C10orf143: variants seen among roughly 807,000 people sequenced by gnomAD.
The protein encoded by C10orf143 is uncharacterized protein C10orf143.
chr10:130,085,855 C>A (rs1249568877), intron 1 of C10orf143, among the ~76,000 whole-genome samples: 2 of 152,160 alleles, frequency 1.3e-5, no homozygotes. Context: ...TTCTCACAAC[C>A]TCAACCCACT....
At chr10:130,106,601 C>G (rs573906935) in intron 1 of C10orf143, 23 of 1,484,026 alleles carry the variant, frequency 1.5e-5, no homozygotes, top group Non-Finnish European at 2.0e-5. Context: ...CCTCAAATCA[C>G]AAGTAGCTGA....
chr10:130,080,357 C>T (rs1359568914), intron 1 of C10orf143, among the ~76,000 whole-genome samples: 1 of 152,162 alleles, frequency 6.6e-6, no homozygotes, highest in Non-Finnish European at 1.5e-5. Flanking sequence ...ATTTTATTTA[C>T]AAAGGTTGCA....
At chr10:130,087,533 G>A (rs557653213) in intron 1 of C10orf143, among the ~76,000 whole-genome samples, 19 of 152,264 alleles carry the variant, frequency 1.2e-4, no homozygotes, top group African/African-American at 4.3e-4. Flanking sequence ...AGAAACACAC[G>A]AAGCTGCCAC....
chr10:130,109,267 T>C (rs1861718191), intron 1 of C10orf143, among the ~76,000 whole-genome samples: 1 of 152,196 alleles, frequency 6.6e-6, no homozygotes, highest in Admixed American at 6.5e-5. Context: ...CATAATCATG[T>C]CACTTTTCTG....
At chr10:130,039,693 C>T (rs545670041) in intron 3 of C10orf143, among the ~76,000 whole-genome samples, 31 of 152,306 alleles carry the variant, frequency 2.0e-4, no homozygotes, top group African/African-American at 7.2e-4. Context: ...CCCTGCAAGT[C>T]AGAAGATGCC....
intron 1 of C10orf143, among the ~76,000 whole-genome samples, chr10:130,083,686 T>C (rs751530930): frequency 1.3e-5 from 2 of 151,956 alleles, no homozygotes; most frequent in African/African-American, 2.4e-5. Flanking sequence ...AAAGAAGGGG[T>C]TATAAGAAAA....
intron 1 of C10orf143, among the ~76,000 whole-genome samples, chr10:130,088,088 T>C (rs1590026426): frequency 6.6e-6 from 1 of 152,164 alleles, no homozygotes; most frequent in African/African-American, 2.4e-5. Context: ...CAAATTAACA[T>C]ACCAAAGGAG....
At chr10:130,038,436 C>G (rs1289742845) in intron 3 of C10orf143, among the ~76,000 whole-genome samples, 2 of 152,152 alleles carry the variant, frequency 1.3e-5, no homozygotes, top group African/African-American at 2.4e-5. Context: ...GAGCATCTGT[C>G]TTGGGGGCCC....
rs150739654 is a variant in C10orf143 at position 130,045,510 on chromosome 10, C to G, written c.298-9540G>C. On this transcript the variant is annotated intron_variant and NMD_transcript_variant, in intron 3 of 5. Coordinates refer to the C10orf143 transcript ENST00000643056. Reference sequence around the variant, plus strand: ...GCCCCGCAGCACTGCAGCTGCACCCCCAGGACGCCCCCCGCGAGCGCCACG... The same window carrying G: ...GCCCCGCAGCACTGCAGCTGCACCCGCAGGACGCCCCCCGCGAGCGCCACG... Among the ~76,000 whole-genome samples, 657 of 152,342 alleles carry G rather than the reference C, an allele frequency of 4.3e-3. 5 individuals carry two copies. The highest frequency in any genetic ancestry group is 0.015 in the African/African-American group (620 of 41,586).
At chr10:130,046,655 A>G (rs1379105256) in intron 3 of C10orf143, among the ~76,000 whole-genome samples, 2 of 152,382 alleles carry the variant, frequency 1.3e-5, no homozygotes, top group African/African-American at 4.8e-5. Flanking sequence ...GAAGCCGGCC[A>G]TGCTCCTTTA....
intron 1 of C10orf143, chr10:130,107,862 C>T (rs776363689): frequency 7.9e-7 from 1 of 1,263,680 alleles, no homozygotes; most frequent in Non-Finnish European, 1.2e-6. Context: ...ATGATGTTTC[C>T]TCCACCAGCG....
At chr10:130,040,260 G>A (rs1860591077) in intron 3 of C10orf143, among the ~76,000 whole-genome samples, 1 of 152,214 alleles carries the variant, frequency 6.6e-6, no homozygotes, top group African/African-American at 2.4e-5. Flanking sequence ...TTGCTGAGCA[G>A]TCCAGAAAGA....
At chr10:130,040,271 G>C (rs1860591242) in intron 3 of C10orf143, among the ~76,000 whole-genome samples, 1 of 152,208 alleles carries the variant, frequency 6.6e-6, no homozygotes, top group African/African-American at 2.4e-5. Context: ...TCCAGAAAGA[G>C]CACCGAGGAC....
At chr10:130,107,662 G>A (rs750097483) in intron 1 of C10orf143, 27 of 1,313,974 alleles carry the variant, frequency 2.1e-5, no homozygotes, top group Non-Finnish European at 2.9e-5. Context: ...CAACTCTGTT[G>A]GAGGGTCCAC....
In C10orf143 at chr10:130,065,163, C is replaced by T. The variant is rs1860910388; in HGVS notation, c.298-780G>A. 1 of 152,358 alleles carries T rather than the reference C, an allele frequency of 6.6e-6. No individual in the cohort carries two copies. The highest frequency in any genetic ancestry group is 2.4e-5 in the African/African-American group (1 of 41,446). 9.4% of individuals were successfully genotyped at this position (152,358 alleles called of 1,614,324 possible). On this transcript the variant is annotated intron_variant, in intron 3 of 3. Coordinates refer to ENST00000637128, the MANE Select transcript of C10orf143 (RefSeq NM_001355042.2). This position sits in a 1 kb window ranked among gnomAD's most constrained non-coding sequence, Gnocchi z 4.2. ...AGTCCAGTTCTTGATGATGTCCCTG[C>T]TTCCTGGAAGGCAGGGGCTGCCCTG...
At chr10:130,102,397 T>C (rs889279163) in intron 1 of C10orf143, among the ~76,000 whole-genome samples, 1 of 152,034 alleles carries the variant, frequency 6.6e-6, no homozygotes, top group African/African-American at 2.4e-5. Flanking sequence ...CTCAGCCTCT[T>C]GAGTAGCTGG....
rs190713883 is a variant in C10orf143, at chr10:130,096,768, T to C, written c.69+13936A>G. Among the ~76,000 whole-genome samples, 455 of 148,814 alleles carry C rather than the reference T, an allele frequency of 3.1e-3. 1 individual carries two copies. The highest frequency in any genetic ancestry group is 0.011 in the African/African-American group (427 of 40,526). ...CTAATATAGATGATGGGTTGATGGG[T>C]GCAGCAAACCACCATGGCACGTGTA... is the stretch of plus-strand genomic sequence containing the variant. On this transcript the variant is annotated intron_variant, in intron 1 of 3. Coordinates refer to ENST00000637128, the MANE Select transcript of C10orf143 (RefSeq NM_001355042.2).
downstream of C10orf143, among the ~76,000 whole-genome samples, chr10:130,061,518 C>G (rs755881956): frequency 3.3e-5 from 5 of 152,060 alleles, no homozygotes; most frequent in African/African-American, 9.7e-5. Context: ...ATTAAAGGTA[C>G]GTTTTGACAT....
intron 3 of C10orf143, among the ~76,000 whole-genome samples, chr10:130,055,163 G>T (rs779268339): frequency 4.0e-5 from 6 of 151,508 alleles, no homozygotes; most frequent in Non-Finnish European, 8.8e-5. Context: ...AAAACTCCCA[G>T]AAAAAAAACA....
Sources: allele counts gnomAD v4.1 joint callset (sites outside exome capture counted in the v4.1 genomes callset), GRCh38; gene constraint gnomAD v4.1.1; non-coding constraint Gnocchi (gnomAD v3.1); transcripts MANE v1.5; gene names NCBI Gene and HGNC (gene_info 2026-07-23, HGNC 2026-07-21).